The following MPRIP variants were observed in gnomAD, a reference collection of about 807,000 sequenced individuals.
MPRIP encodes the protein myosin phosphatase Rho-interacting protein.
Under a neutral mutation model 234.9 loss-of-function variants are expected in MPRIP, and 59 were observed. The observed-to-expected ratio is 0.25, with a 90% CI of 0.20 to 0.31. The LOEUF (loss-of-function observed/expected upper bound fraction) is 0.31, where lower values mean the gene tolerates loss of function less well. Ranked by LOEUF, MPRIP falls within the 10% of genes least tolerant of loss-of-function variation. The pLI is 1.00. For synonymous variants in MPRIP, 1,144 were observed against 1,263.9 expected (o/e 0.91, Z 2.01); for missense variants, 2,436 against 3,071.0 (o/e 0.79, Z 4.89).
chr17:17,142,824 C>A, intron 8 of MPRIP, 59 bp downstream of exon 8: 3 of 1,572,784 alleles, frequency 1.9e-6, no homozygotes, highest in African/African-American at 2.7e-5. Flanking sequence ...TCAGCATGCA[C>A]CCCATGCGCC....
At chr17:17,110,872 A>C (rs1452841232) in intron 3 of MPRIP, among the ~76,000 whole-genome samples, 4 of 152,206 alleles carry the variant, frequency 2.6e-5, no homozygotes, top group Admixed American at 2.0e-4. Flanking sequence ...GGGACAGGAC[A>C]CTTAATGTGA....
chr17:17,120,192 G>A (rs1440527520), intron 3 of MPRIP, among the ~76,000 whole-genome samples: 2 of 152,148 alleles, frequency 1.3e-5, no homozygotes, highest in African/African-American at 4.8e-5. Flanking sequence ...TGATGATAAC[G>A]CCAAACAGCC....
At chr17:17,122,479 G>A (rs541024156) in intron 3 of MPRIP, among the ~76,000 whole-genome samples, 11 of 152,268 alleles carry the variant, frequency 7.2e-5, no homozygotes, top group Non-Finnish European at 1.5e-4. Context: ...TCAGCCTCCC[G>A]AGTAGCTGGG....
chr17:17,095,537 C>T (rs1366522233), intron 3 of MPRIP, among the ~76,000 whole-genome samples: 1 of 152,150 alleles, frequency 6.6e-6, no homozygotes, highest in Non-Finnish European at 1.5e-5. Context: ...CTGTGGGCAG[C>T]AGAAGGGCTT....
chr17:17,177,330 C>G lies in MPRIP; in HGVS notation c.7038C>G (p.Ile2346Met). The change falls in exon 22 of 24, where the codon ATC becomes ATG. Residue 2346 changes from isoleucine (I) to methionine (M), a missense_variant. Physicochemically the swap from Ile to Met is conservative, Grantham distance 10. Transcript: ENST00000651222. ...CGAAGGCTAAGGCTGACTGTGACAT[C>G]AGCAGGTTGAAGGAGCAGCTCAAGG... is the stretch of plus-strand genomic sequence containing the variant. ...SIAKAKADCD[I>M]SRLKEQLKAA... 1 of 1,614,004 alleles carries G rather than the reference C, an allele frequency of 6.2e-7. No individual in the cohort carries two copies. The highest frequency in any genetic ancestry group is 8.5e-7 in the Non-Finnish European group (1 of 1,180,040).
At chr17:17,101,526 C>T (rs1156884923) in intron 3 of MPRIP, among the ~76,000 whole-genome samples, 1 of 152,172 alleles carries the variant, frequency 6.6e-6, no homozygotes, top group African/African-American at 2.4e-5. Flanking sequence ...GCTGAGATTG[C>T]ACCACTGCAC....
At chr17:17,157,890 T>A (rs1251478676) in intron 13 of MPRIP, among the ~76,000 whole-genome samples, 1 of 151,804 alleles carries the variant, frequency 6.6e-6, no homozygotes, top group Non-Finnish European at 1.5e-5. Context: ...AGGTAAGCCC[T>A]TCTAGAAAGT....
At chr17:17,126,611 AGGCT>A (rs1479337010) in intron 3 of MPRIP, 87 bp from the exon 4 acceptor site, 1 of 1,423,894 alleles carries the variant, frequency 7.0e-7, no homozygotes, top group Non-Finnish European at 9.5e-7. Context: ...GAGGCCCCAC[AGGCT>A]GGGAGGGTCA....
chr17:17,142,707 C>T lies in MPRIP; in HGVS notation c.1331C>T (p.Ser444Leu). ...ATGGAGACCAATGCAGTGGGGCCCT[C>T]ACCATCCAGCGACACACGCCAGGGC... is the stretch of plus-strand genomic sequence containing the variant. ...EHMETNAVGP[S>L]PSSDTRQGRS... Residue 444 changes from serine to leucine, a missense_variant, in exon 8 of 24, where the codon TCA becomes TTA. Coordinates refer to ENST00000651222, the MANE Select transcript of MPRIP (RefSeq NM_001364716.4). The T allele has an allele frequency of 1.2e-6, 2 of 1,612,474 alleles. No homozygotes were observed. The highest frequency in any genetic ancestry group is 2.2e-5 in the South Asian group (2 of 91,008).
In MPRIP at chr17:17,165,597, G is replaced by A. The variant is rs1302686643; in HGVS notation, c.4006G>A (p.Glu1336Lys). 47 of 1,304,814 alleles carry A rather than the reference G, an allele frequency of 3.6e-5. No homozygotes were observed. The highest frequency in any genetic ancestry group is 4.5e-5 in the Non-Finnish European group (45 of 989,062). The allele number at this position is 1,304,814 out of a possible 1,614,324, so 80.8% of individuals were successfully genotyped here. A position where few individuals can be genotyped will look rare whatever the true frequency, so the allele number is the denominator to read the frequency against. The change falls in exon 16 of 24, where the codon GAA becomes AAA. Residue 1336 changes from glutamate (E) to lysine (K), a missense_variant. By Grantham distance (56) the Glu-to-Lys change is moderately conservative. This residue lies in a region of MPRIP where 1,998 missense variants were observed against 2,520.3 expected (regional missense o/e 0.79). Transcript: ENST00000651222. ...TIQCQRYIHP[E>K]GSEKTWTSST... is the part of the protein sequence containing the mutation. ...CCAGTGCCAAAGATACATTCACCCCGAAGGGTCTGAGAAGACCTGGACCAG... is the reference window on the plus strand; with the variant it reads ...CCAGTGCCAAAGATACATTCACCCCAAAGGGTCTGAGAAGACCTGGACCAG...
intron 3 of MPRIP, among the ~76,000 whole-genome samples, chr17:17,079,266 T>C (rs1429877687): frequency 2.0e-5 from 3 of 152,188 alleles, no homozygotes; most frequent in African/African-American, 7.2e-5. Context: ...TTAAAAAGAA[T>C]TGTCTTCCTT....
chr17:17,129,331 C>T (rs1041723271), intron 4 of MPRIP, among the ~76,000 whole-genome samples: 16 of 152,258 alleles, frequency 1.1e-4, no homozygotes, highest in Admixed American at 1.3e-4. Context: ...CGTCCCTATC[C>T]GGGGAGCCCC....
chr17:17,144,909 A>C (rs1293018835), intron 9 of MPRIP, among the ~76,000 whole-genome samples: 1 of 152,248 alleles, frequency 6.6e-6, no homozygotes, highest in Non-Finnish European at 1.5e-5. Context: ...GGCAGGTGGC[A>C]GTCCCACGTC....
At chr17:17,067,662 C>T (rs1336784051) in intron 1 of MPRIP, among the ~76,000 whole-genome samples, 1 of 151,988 alleles carries the variant, frequency 6.6e-6, no homozygotes, top group African/African-American at 2.4e-5. Context: ...GAATATTAGT[C>T]CATAGTTCTT....
intron 3 of MPRIP, among the ~76,000 whole-genome samples, chr17:17,100,755 T>C (rs181543790): frequency 6.6e-5 from 10 of 152,194 alleles, no homozygotes; most frequent in African/African-American, 2.4e-4. Flanking sequence ...CACTGATTGA[T>C]TCTACATTAT....
chr17:17,168,622 G>A (rs760547241), intron 16 of MPRIP: 8 of 349,470 alleles, frequency 2.3e-5, no homozygotes, highest in Non-Finnish European at 4.5e-5. Flanking sequence ...GCTGAGTGGA[G>A]GCCCAGCTGT....
intron 1 of MPRIP, among the ~76,000 whole-genome samples, chr17:17,043,958 C>T (rs2088264465): frequency 6.6e-6 from 1 of 152,206 alleles, no homozygotes; most frequent in Non-Finnish European, 1.5e-5. Context: ...TAGTTGTAGC[C>T]ACTCCTGTCG....
At chr17:17,173,619 T>G (rs1010365053) in intron 18 of MPRIP, among the ~76,000 whole-genome samples, 5 of 151,994 alleles carry the variant, frequency 3.3e-5, no homozygotes, top group African/African-American at 1.2e-4. Context: ...AAATTCTGAG[T>G]CAGAAGAGAG....
chr17:17,157,449 C>T (rs962260711), intron 13 of MPRIP, among the ~76,000 whole-genome samples: 6 of 152,202 alleles, frequency 3.9e-5, no homozygotes, highest in Admixed American at 6.5e-5. Context: ...GAACTCGTGG[C>T]CACCTGGGCC....
Sources: allele counts gnomAD v4.1 joint callset (sites outside exome capture counted in the v4.1 genomes callset), GRCh38; gene constraint gnomAD v4.1.1; regional missense constraint gnomAD v4.1.1; transcripts MANE v1.5; gene names NCBI Gene and HGNC (gene_info 2026-07-23, HGNC 2026-07-21).